Variants in NINL observed in about 807,000 individuals in gnomAD.
The protein encoded by NINL is ninein-like protein.
A neutral mutation model predicts 160.3 loss-of-function variants in NINL; 153 were observed. The ratio of observed to expected loss-of-function variants is 0.95; its 90% CI spans 0.84 to 1.09. The LOEUF (loss-of-function observed/expected upper bound fraction) is 1.09. Ranked by LOEUF, NINL falls within the 50% of genes least tolerant of loss-of-function variation. The probability of loss-of-function intolerance (pLI) is 0.00; values close to 1 mark genes in which losing one functional copy is unlikely to be tolerated. For synonymous variants in NINL, 800 were observed against 734.8 expected (o/e 1.09, Z -1.43); for missense variants, 1,829 against 1,764.0 (o/e 1.04, Z -0.66).
intron 19 of NINL, chr20:25,462,817 C>A (rs755365193): frequency 3.3e-6 from 1 of 307,646 alleles, no homozygotes; most frequent in Non-Finnish European, 6.1e-6. Flanking sequence ...ACCACTCCCA[C>A]CTAGTTTTGT....
chr20:25,492,866 T>C (rs1207536230), intron 10 of NINL, among the ~76,000 whole-genome samples: 1 of 152,232 alleles, frequency 6.6e-6, no homozygotes, highest in Non-Finnish European at 1.5e-5. Context: ...CCTTTAATTG[T>C]ACTTTCTAAA....
At chr20:25,547,331 C>A (rs972873502) in intron 1 of NINL, among the ~76,000 whole-genome samples, 7 of 152,190 alleles carry the variant, frequency 4.6e-5, no homozygotes, top group Non-Finnish European at 8.8e-5. Context: ...TTCTTGGTCA[C>A]AGCTTCATAA....
intron 13 of NINL, among the ~76,000 whole-genome samples, chr20:25,485,885 C>T (rs148386559): frequency 6.1e-4 from 93 of 152,352 alleles, no homozygotes; most frequent in African/African-American, 2.1e-3. Context: ...ACATCCTTGA[C>T]TCTGAAACAT....
Position 25,476,444 on chromosome 20 carries a change from GTCTC to G in NINL, c.2843_2846del (p.Arg948ThrfsTer14), listed in dbSNP as rs748101045. 186 of 1,608,430 alleles carry G rather than the reference GTCTC, an allele frequency of 1.2e-4. No homozygotes were observed. Among genetic ancestry groups the G allele is most frequent in the Non-Finnish European group, 1.5e-4 (182 of 1,179,796 alleles). ...ACATCCGTGGCTGGGTTTGCGAGGC[GTCTC>G]TCTCTGTTCCCAGCAGAGGCAGCTC... On this transcript the variant is annotated frameshift_variant, in exon 17 of 24. Coordinates refer to ENST00000278886, the MANE Select transcript of NINL (RefSeq NM_025176.6). LOFTEE classifies it high-confidence loss of function.
At chr20:25,513,986 C>T (rs762807558) in intron 3 of NINL, among the ~76,000 whole-genome samples, 1 of 152,162 alleles carries the variant, frequency 6.6e-6, no homozygotes, top group South Asian at 2.1e-4. Flanking sequence ...AGGAGTGGAG[C>T]ATTGCTACAA....
chr20:25,583,243 T>C (rs1011106023), intron 1 of NINL, among the ~76,000 whole-genome samples: 1 of 151,424 alleles, frequency 6.6e-6, no homozygotes, highest in African/African-American at 2.4e-5. Context: ...AGGTCTAATA[T>C]CCAGAATATA....
rs183064536 is a variant in NINL at position 25,520,692 on chromosome 20, C to T, written c.181-2843G>A. 2.0e-5 allele frequency among the ~76,000 whole-genome samples: 3 copies of T among 152,332 alleles called. No homozygotes were observed. The East Asian group carries it at 5.8e-4, about 29-fold the overall frequency. On this transcript the variant is annotated intron_variant, in intron 2 of 23. Transcript: ENST00000278886. Reference sequence around the variant, plus strand: ...AATTCAGGTTGACAGTTATTTTCTTCTAGCATATTGAAGATATCTTTCCAC... The same window carrying T: ...AATTCAGGTTGACAGTTATTTTCTTTTAGCATATTGAAGATATCTTTCCAC...
chr20:25,505,643 T>C (rs952398998), intron 5 of NINL, among the ~76,000 whole-genome samples: 1 of 152,246 alleles, frequency 6.6e-6, no homozygotes, highest in Admixed American at 6.5e-5. Context: ...AGTTAAGTCC[T>C]GTGCTCCAGG....
intron 1 of NINL, among the ~76,000 whole-genome samples, chr20:25,557,162 A>G (rs1162624677): frequency 6.6e-6 from 1 of 152,234 alleles, no homozygotes; most frequent in Non-Finnish European, 1.5e-5. Context: ...TATTTTTGAA[A>G]AGTAAGTGGC....
In NINL at chr20:25,475,150, G is replaced by A. The variant is rs953406237; in HGVS notation, c.3248+893C>T. On this transcript the variant is annotated intron_variant, in intron 17 of 23. Transcript: ENST00000278886. ...TGTAATCCCAGCTACTCAGGAGGCT[G>A]AGGCAGGAGAATCGCTTGAACCTGG... is the stretch of plus-strand genomic sequence containing the variant. Among the ~76,000 whole-genome samples, 2 of 151,118 alleles carry A rather than the reference G, an allele frequency of 1.3e-5. 1 individual carries two copies. The highest frequency in any genetic ancestry group is 4.2e-4 in the South Asian group (2 of 4,740).
At position 25,476,712 on chromosome 20, in the gene NINL, C is replaced by A. The variant is rs751876219; in HGVS notation, c.2579G>T (p.Trp860Leu). ...RPGCGERPLAWLAPGDGRESE... is the reference protein window; with the variant it reads ...RPGCGERPLALLAPGDGRESE... The stretch of plus-strand genomic sequence containing the variant: ...CTCTCTGCCATCACCTGGGGCCAGC[C>A]AGGCCAGTGGCCGCTCCCCACAGCC... The change falls in exon 17 of 24, where the codon TGG (tryptophan) becomes TTG (leucine). Residue 860 changes from tryptophan to leucine, a missense_variant. Trp to Leu is a moderately conservative substitution (Grantham distance 61, BLOSUM62 -2). Transcript: ENST00000278886. The A allele has an allele frequency of 1.9e-6, 3 of 1,599,856 alleles. No homozygotes were observed. Among genetic ancestry groups the A allele is most frequent in the Non-Finnish European group, 2.5e-6 (3 of 1,177,156 alleles).
At chr20:25,490,780 C>T (rs896436393) in intron 11 of NINL, among the ~76,000 whole-genome samples, 1 of 151,982 alleles carries the variant, frequency 6.6e-6, no homozygotes, top group Non-Finnish European at 1.5e-5. Context: ...GCTCAGGCTG[C>T]CCAGCCTCTC....
rs150933149 is a variant in NINL at position 25,534,280 on chromosome 20, T to G, written c.-11-7682A>C. On this transcript the variant is annotated intron_variant, in intron 1 of 23. Transcript: ENST00000278886. ...TGCTGTGCCTGTTACTCCCTTGCAATGTATTTTTCTCCTTTCTCTCTGCCT... is the reference window on the plus strand; with the variant it reads ...TGCTGTGCCTGTTACTCCCTTGCAAGGTATTTTTCTCCTTTCTCTCTGCCT... Among the ~76,000 whole-genome samples, 69 of 152,310 alleles carry G rather than the reference T, an allele frequency of 4.5e-4. 1 individual carries two copies. The East Asian group carries it at 0.013, about 29-fold the overall frequency.
At chr20:25,489,445 AG>A (rs2063574633) in intron 12 of NINL, 121 bp from the exon 13 acceptor site, 17 of 775,382 alleles carry the variant, frequency 2.2e-5, no homozygotes, top group Non-Finnish European at 3.6e-5. Context: ...CTGCATCTCC[AG>A]GTATAGCCGC....
chr20:25,542,696 CTAAAAAAAAAAAA>C (rs2064681726), intron 1 of NINL, among the ~76,000 whole-genome samples: 9 of 74,794 alleles, frequency 1.2e-4, no homozygotes, highest in Non-Finnish European at 1.1e-4. Flanking sequence ...CTTGCTTTCA[CTAAAAAAAAAAAA>C]AAAAAAAAAA....
chr20:25,454,231 C>A (rs184695168), intron 23 of NINL, among the ~76,000 whole-genome samples: 2 of 152,158 alleles, frequency 1.3e-5, no homozygotes, highest in Non-Finnish European at 2.9e-5. Context: ...GGCCCTGGGA[C>A]GGTCAGAGTG....
In NINL at chr20:25,476,902, G is replaced by A. The variant is rs1430126928; in HGVS notation, c.2389C>T (p.Gln797Ter). Reference protein sequence around the residue: ...LQPCASEKRAQMCVSLALEEE... With the variant: ...LQPCASEKRA ...TCGAGGGCCAACGATACGCACATCT[G>A]GGCGCGCTTCTCGCTCGCACAGGGC... Residue 797 changes from glutamine to a stop codon, truncating the protein, a stop_gained, in exon 17 of 24, where the codon CAG becomes TAG. Coordinates refer to ENST00000278886, the MANE Select transcript of NINL (RefSeq NM_025176.6). LOFTEE classifies it high-confidence loss of function. 2.5e-6 allele frequency: 4 copies of A among 1,613,018 alleles called. No individual in the cohort carries two copies. Among genetic ancestry groups the A allele is most frequent in the Non-Finnish European group, 3.4e-6 (4 of 1,179,902 alleles).
intron 1 of NINL, among the ~76,000 whole-genome samples, chr20:25,560,969 C>CCTCTCCCTCTCT (rs1321635383): frequency 1.3e-5 from 2 of 151,598 alleles, no homozygotes; most frequent in Non-Finnish European, 2.9e-5. Context: ...TCTCCCTCTC[C>CCTCTCCCTCTCT]CTCTCCCTCT....
intron 1 of NINL, among the ~76,000 whole-genome samples, chr20:25,561,463 G>T (rs1292986951): frequency 6.6e-6 from 1 of 152,192 alleles, no homozygotes; most frequent in African/African-American, 2.4e-5. Flanking sequence ...ACCCCGTCTG[G>T]GAAATGAGGA....
Sources: allele counts gnomAD v4.1 joint callset (sites outside exome capture counted in the v4.1 genomes callset), GRCh38; gene constraint gnomAD v4.1.1; transcripts MANE v1.5; gene names NCBI Gene and HGNC (gene_info 2026-07-23, HGNC 2026-07-21).